SGCZ: variants seen among roughly 807,000 people sequenced by gnomAD.
SGCZ encodes zeta-sarcoglycan.
Under a neutral mutation model 41.3 loss-of-function variants are expected in SGCZ, and 40 were observed. The ratio of observed to expected loss-of-function variants is 0.97; its 90% CI spans 0.75 to 1.26. The LOEUF is 1.26. Among genes scored for constraint, SGCZ ranks in the 50% most tolerant of loss-of-function variants. SGCZ has a pLI of 0.00. For synonymous variants in SGCZ, 206 were observed against 137.5 expected, an observed-to-expected ratio of 1.50 and a Z score of -3.49; for missense variants, 552 against 369.8, an observed-to-expected ratio of 1.49 and a Z score of -4.04.
At chr8:15,145,871 C>A (rs1253241686) in intron 1 of SGCZ, among the ~76,000 whole-genome samples, 1 of 152,150 alleles carries the variant, frequency 6.6e-6, no homozygotes, top group Non-Finnish European at 1.5e-5. Flanking sequence ...AGGTTAAACA[C>A]ATATATTTAT....
chr8:14,363,265 T>C (rs989130599), intron 2 of SGCZ, among the ~76,000 whole-genome samples: 2 of 152,216 alleles, frequency 1.3e-5, no homozygotes, highest in Non-Finnish European at 2.9e-5. Flanking sequence ...TCATTCCTTA[T>C]TCACTGGCAG....
At chr8:15,010,274 G>C (rs13266087) in intron 1 of SGCZ, among the ~76,000 whole-genome samples, 60,996 of 151,966 alleles carry the variant, frequency 0.4, 13,092 homozygotes, top group Non-Finnish European at 0.47. Context: ...TGACTTTTAT[G>C]TTTTATGTAT....
chr8:14,756,570 T>C (rs1013096821), intron 1 of SGCZ, among the ~76,000 whole-genome samples: 53 of 152,232 alleles, frequency 3.5e-4, no homozygotes, highest in African/African-American at 1.2e-3. Flanking sequence ...AACATCATTA[T>C]GAGTTTGCAT....
At chr8:15,039,816 A>G (rs1258553519) in intron 1 of SGCZ, among the ~76,000 whole-genome samples, 1 of 152,276 alleles carries the variant, frequency 6.6e-6, no homozygotes, top group Non-Finnish European at 1.5e-5. Context: ...GCTTACTTCC[A>G]TTTTACATAC....
In SGCZ at chr8:14,627,691, G is replaced by A. The variant is rs149786608; in HGVS notation, c.40-72765C>T. ...CTGAATGATTGTCCTTGGATTAGGC[G>A]CATCATACACCCAGCTGATCTGTAT... On this transcript the variant is annotated intron_variant, in intron 1 of 7. Transcript: ENST00000382080. Among the ~76,000 whole-genome samples, 694 of 151,912 alleles carry A rather than the reference G, an allele frequency of 4.6e-3. 3 individuals carry two copies. The highest frequency in any genetic ancestry group is 0.015 in the East Asian group (75 of 5,158).
intron 3 of SGCZ, among the ~76,000 whole-genome samples, chr8:14,313,895 G>C (rs888145170): frequency 1.4e-5 from 2 of 145,584 alleles, no homozygotes; most frequent in African/African-American, 2.5e-5. Flanking sequence ...AAAAGTATAG[G>C]GTTATATCAT....
At chr8:14,540,366 C>G (rs1255081326) in intron 2 of SGCZ, among the ~76,000 whole-genome samples, 1 of 149,820 alleles carries the variant, frequency 6.7e-6, no homozygotes, top group East Asian at 2.0e-4. Flanking sequence ...ATTTTTATGG[C>G]TGAATATTAC....
At chr8:14,622,928 C>A (rs1450660523) in intron 1 of SGCZ, among the ~76,000 whole-genome samples, 3 of 152,166 alleles carry the variant, frequency 2.0e-5, no homozygotes, top group Non-Finnish European at 4.4e-5. Context: ...TAAAGCTCCT[C>A]CTTTGTTCAA....
intron 2 of SGCZ, among the ~76,000 whole-genome samples, chr8:14,496,166 G>A (rs572341611): frequency 4.0e-5 from 6 of 151,606 alleles, no homozygotes; most frequent in African/African-American, 1.5e-4. Flanking sequence ...CTTGGCCTCA[G>A]GCAATCCTCC....
intron 1 of SGCZ, among the ~76,000 whole-genome samples, chr8:14,669,034 G>A (rs1808009535): frequency 6.6e-6 from 1 of 151,882 alleles, no homozygotes; most frequent in Non-Finnish European, 1.5e-5. Flanking sequence ...ACAATATTGT[G>A]CACTAGAGGT....
intron 2 of SGCZ, among the ~76,000 whole-genome samples, chr8:14,518,982 T>C (rs1802707954): frequency 6.8e-6 from 1 of 147,588 alleles, no homozygotes; most frequent in South Asian, 2.1e-4. Flanking sequence ...GGCAGGAGAA[T>C]CGCTTGAACC....
chr8:14,148,832 A>C (rs1445256586), intron 5 of SGCZ, among the ~76,000 whole-genome samples: 2 of 152,156 alleles, frequency 1.3e-5, no homozygotes, highest in African/African-American at 4.8e-5. Context: ...TAGAAAAATC[A>C]TTCATCATGA....
intron 2 of SGCZ, among the ~76,000 whole-genome samples, chr8:14,515,076 G>A (rs1802582207): frequency 6.6e-6 from 1 of 151,820 alleles, no homozygotes; most frequent in South Asian, 2.1e-4. Flanking sequence ...TTTGCTCTAG[G>A]GAAAATAGGC....
intron 1 of SGCZ, among the ~76,000 whole-genome samples, chr8:14,772,503 G>A (rs980372311): frequency 6.0e-5 from 9 of 149,874 alleles, no homozygotes; most frequent in African/African-American, 2.2e-4. Flanking sequence ...ATGTATACAT[G>A]TGCCATGCTG....
At chr8:14,151,609 A>T (rs1803711954) in intron 5 of SGCZ, among the ~76,000 whole-genome samples, 1 of 152,124 alleles carries the variant, frequency 6.6e-6, no homozygotes, top group Non-Finnish European at 1.5e-5. Context: ...ATAGAAACAC[A>T]TATTCTAAAA....
At chr8:14,626,341 T>C (rs1050583851) in intron 1 of SGCZ, among the ~76,000 whole-genome samples, 1 of 152,046 alleles carries the variant, frequency 6.6e-6, no homozygotes, top group Non-Finnish European at 1.5e-5. Context: ...GTGTGTGTTG[T>C]TCCCCTCCCT....
At chr8:14,182,878 C>A (rs1804774750) in intron 4 of SGCZ, among the ~76,000 whole-genome samples, 1 of 151,764 alleles carries the variant, frequency 6.6e-6, no homozygotes, top group South Asian at 2.1e-4. Context: ...AGCGGGGAGG[C>A]AGGCACCTGT....
At position 14,719,401 on chromosome 8, in the gene SGCZ, T is replaced by C. The variant is rs1242631512; in HGVS notation, c.40-164475A>G. 1.9e-3 allele frequency among the ~76,000 whole-genome samples: 284 copies of C among 150,714 alleles called. 1 individual carries two copies. Among genetic ancestry groups the C allele is most frequent in the African/African-American group, 6.6e-3 (271 of 40,832 alleles). ...GGATGGCTGGGTCAAATGGTATTTC[T>C]AGTTCTAGATCCCTGAGGAATCGCC... is the stretch of plus-strand genomic sequence containing the variant. On this transcript the variant is annotated intron_variant, in intron 1 of 7. Transcript: ENST00000382080.
At chr8:14,740,595 A>C in intron 1 of SGCZ, among the ~76,000 whole-genome samples, 1 of 152,056 alleles carries the variant, frequency 6.6e-6, no homozygotes, top group East Asian at 1.9e-4. Flanking sequence ...GCACTAATTA[A>C]GAGCTGACAT....
Sources: allele counts gnomAD v4.1 joint callset (sites outside exome capture counted in the v4.1 genomes callset), GRCh38; gene constraint gnomAD v4.1.1; transcripts MANE v1.5; gene names NCBI Gene and HGNC (gene_info 2026-07-23, HGNC 2026-07-21).